Variants in AVEN observed in about 807,000 individuals in gnomAD.
AVEN encodes the protein cell death regulator Aven.
Under a neutral mutation model 38.1 loss-of-function variants are expected in AVEN, and 41 were observed. The observed-to-expected ratio is 1.08, with a 90% CI of 0.84 to 1.40. The LOEUF (loss-of-function observed/expected upper bound fraction) is 1.40. Ranked by LOEUF, AVEN falls within the 40% of genes most tolerant of loss-of-function variation. The pLI is 0.00. For missense variants in AVEN, 605 were observed against 438.8 expected (o/e 1.38, Z -3.38); for synonymous variants, 206 against 171.8 (o/e 1.20, Z -1.56).
chr15:33,878,612 A>C (rs115419671), intron 2 of AVEN, among the ~76,000 whole-genome samples: 2,399 of 152,220 alleles, frequency 0.016, 68 homozygotes, highest in African/African-American at 0.054. Context: ...TAAAAAGAAA[A>C]TTTTTTTGAA....
intron 2 of AVEN, among the ~76,000 whole-genome samples, chr15:33,966,354 A>C (rs1016306286): frequency 6.6e-6 from 1 of 152,224 alleles, no homozygotes; most frequent in Admixed American, 6.5e-5. Context: ...GCTTTCAAAA[A>C]GTGATTGGCA....
At chr15:34,036,880 C>T (rs140146605) in intron 1 of AVEN, among the ~76,000 whole-genome samples, 4 of 152,092 alleles carry the variant, frequency 2.6e-5, no homozygotes, top group Admixed American at 6.5e-5. Context: ...GAGGCCGAGG[C>T]GGGTGGATCA....
At chr15:33,898,838 G>C (rs1281422591) in intron 2 of AVEN, among the ~76,000 whole-genome samples, 1 of 152,186 alleles carries the variant, frequency 6.6e-6, no homozygotes, top group Non-Finnish European at 1.5e-5. Flanking sequence ...CTATGGTTCA[G>C]AAGTCCCAGG....
exon 1 of AVEN, among the ~76,000 whole-genome samples, chr15:34,074,473 G>T (rs375541519): frequency 1.3e-5 from 2 of 152,148 alleles, no homozygotes; most frequent in Admixed American, 6.5e-5. Flanking sequence ...CTGAAATCAA[G>T]GTGTCAGCAG....
upstream of AVEN, among the ~76,000 whole-genome samples, chr15:34,039,648 A>G (rs1219889914): frequency 1.3e-5 from 2 of 152,152 alleles, no homozygotes; most frequent in Non-Finnish European, 2.9e-5. Flanking sequence ...AGCACGTGGG[A>G]GAGAGAACAG....
chr15:33,912,883 G>C (rs1370435885), intron 2 of AVEN, among the ~76,000 whole-genome samples: 1 of 122,502 alleles, frequency 8.2e-6, no homozygotes, highest in Non-Finnish European at 1.7e-5. Context: ...CATGTAAAAG[G>C]CATAATTTTT....
intron 2 of AVEN, among the ~76,000 whole-genome samples, chr15:33,906,539 T>C (rs1892705709): frequency 6.6e-6 from 1 of 152,244 alleles, no homozygotes; most frequent in South Asian, 2.1e-4. Context: ...CTTTGGGCTA[T>C]ATAATAAGTG....
At chr15:34,011,077 T>A (rs2632073) in intron 1 of AVEN, among the ~76,000 whole-genome samples, 1 of 152,056 alleles carries the variant, frequency 6.6e-6, no homozygotes, top group Non-Finnish European at 1.5e-5. Flanking sequence ...CTATAATACC[T>A]GCACTTTGGG....
chr15:33,867,240 C>A (rs1436033760), intron 5 of AVEN, among the ~76,000 whole-genome samples: 9 of 152,170 alleles, frequency 5.9e-5, no homozygotes, highest in Non-Finnish European at 4.4e-5. Context: ...GCGGAAATTC[C>A]ATTTGCAGCC....
intron 2 of AVEN, among the ~76,000 whole-genome samples, chr15:33,971,627 T>TA (rs543037061): frequency 3.5e-4 from 54 of 152,170 alleles, no homozygotes; most frequent in Admixed American, 1.2e-3. Flanking sequence ...GCATTCAACT[T>TA]AAAGGGACAT....
At chr15:33,974,847 C>A (rs1357808825) in intron 2 of AVEN, among the ~76,000 whole-genome samples, 2 of 152,078 alleles carry the variant, frequency 1.3e-5, no homozygotes, top group Non-Finnish European at 2.9e-5. Context: ...GTGGTGCATG[C>A]CTGTAATCCC....
chr15:33,861,448 T>C (rs1490586347), downstream of AVEN, among the ~76,000 whole-genome samples: 2 of 151,688 alleles, frequency 1.3e-5, no homozygotes, highest in Non-Finnish European at 2.9e-5. Context: ...TCTCTTTCTC[T>C]ACTGGACTTC....
At chr15:34,050,316 C>T (rs1899888602) in intron 5 of AVEN, among the ~76,000 whole-genome samples, 1 of 152,180 alleles carries the variant, frequency 6.6e-6, no homozygotes, top group South Asian at 2.1e-4. Flanking sequence ...CACCATTGGG[C>T]CTGCCTTGCA....
At chr15:33,853,139 A>G in the AVEN span, 1 of 1,456,130 alleles carries the variant, frequency 6.9e-7, no homozygotes. Flanking sequence ...AATGTGGTGT[A>G]TGTTTTTTAA....
At chr15:33,936,051 G>A (rs1208039293) in intron 2 of AVEN, among the ~76,000 whole-genome samples, 2 of 151,956 alleles carry the variant, frequency 1.3e-5, no homozygotes, top group Admixed American at 6.6e-5. Flanking sequence ...CGAATGGAAG[G>A]GAACTTTCTT....
At chr15:33,878,488 A>G (rs969667092) in intron 2 of AVEN, among the ~76,000 whole-genome samples, 2 of 152,206 alleles carry the variant, frequency 1.3e-5, no homozygotes, top group African/African-American at 4.8e-5. Context: ...TCTCAGATGT[A>G]AAACATATTT....
chr15:33,993,946 T>C (rs1896831217), intron 2 of AVEN, among the ~76,000 whole-genome samples: 1 of 152,254 alleles, frequency 6.6e-6, no homozygotes, highest in Non-Finnish European at 1.5e-5. Flanking sequence ...ATCCACTTAT[T>C]TAAGTATTCA....
At chr15:34,045,762 G>T (rs913068819) in intron 5 of AVEN, among the ~76,000 whole-genome samples, 1 of 151,568 alleles carries the variant, frequency 6.6e-6, no homozygotes, top group African/African-American at 2.4e-5. Context: ...AGCCTCAAAA[G>T]TTGGCAAGTC....
intron 1 of AVEN, among the ~76,000 whole-genome samples, chr15:34,015,805 T>C (rs1473177364): frequency 2.0e-5 from 3 of 152,212 alleles, no homozygotes; most frequent in African/African-American, 7.2e-5. Context: ...ATCTTTCTCA[T>C]AGGTGTTATT....
Sources: allele counts gnomAD v4.1 joint callset (sites outside exome capture counted in the v4.1 genomes callset), GRCh38; gene constraint gnomAD v4.1.1; transcripts MANE v1.5; gene names NCBI Gene and HGNC (gene_info 2026-07-23, HGNC 2026-07-21).